ADGRL3: variants seen among roughly 807,000 people sequenced by gnomAD.
ADGRL3 encodes the protein adhesion G protein-coupled receptor L3.
A neutral mutation model predicts 153.5 loss-of-function variants in ADGRL3; 62 were observed. The observed-to-expected ratio is 0.40, with a 90% CI of 0.33 to 0.50. The LOEUF (loss-of-function observed/expected upper bound fraction) is 0.50. Among genes scored for constraint, ADGRL3 ranks in the 20% least tolerant of loss-of-function variants. The probability of loss-of-function intolerance (pLI) is 0.47; values close to 1 mark genes in which losing one functional copy is unlikely to be tolerated. For missense variants in ADGRL3, 1,641 were observed against 1,859.4 expected, an observed-to-expected ratio of 0.88 and a Z score of 2.16; for synonymous variants, 710 against 672.5, an observed-to-expected ratio of 1.06 and a Z score of -0.86.
intron 2 of ADGRL3, among the ~76,000 whole-genome samples, chr4:61,420,019 C>CTCAA (rs1207493627): frequency 6.6e-6 from 1 of 152,030 alleles, no homozygotes; most frequent in Non-Finnish European, 1.5e-5. Flanking sequence ...CCAGGCTGGT[C>CTCAA]TCAAACTCCT....
intron 2 of ADGRL3, among the ~76,000 whole-genome samples, chr4:61,423,404 G>T (rs2097233989): frequency 6.6e-6 from 1 of 152,304 alleles, no homozygotes; most frequent in Admixed American, 6.5e-5. Context: ...AATCCAGTGT[G>T]GATAGGATTA....
chr4:61,503,828 A>C (rs1330101140), intron 3 of ADGRL3, among the ~76,000 whole-genome samples: 1 of 152,146 alleles, frequency 6.6e-6, no homozygotes, highest in Non-Finnish European at 1.5e-5. Context: ...ATAATGATCA[A>C]ATTGGAGTAC....
At position 61,262,934 on chromosome 4, in the gene ADGRL3, T is replaced by G. The variant is rs182063264; in HGVS notation, c.-240+61169T>G. Among the ~76,000 whole-genome samples the G allele has an allele frequency of 1.2e-3, 185 of 152,224 alleles. 1 individual carries two copies. The highest frequency in any genetic ancestry group is 4.3e-3 in the African/African-American group (180 of 41,566). ...TGTTTCTGGACCAGCCACCAGTTTC[T>G]TATCTCTCAAGTGGTAGTACTGGGG... On this transcript the variant is annotated intron_variant, in intron 1 of 26. Coordinates refer to ENST00000683033, the MANE Select transcript of ADGRL3 (RefSeq NM_001387552.1).
At chr4:61,772,407 C>T (rs2097097133) in intron 8 of ADGRL3, among the ~76,000 whole-genome samples, 1 of 152,172 alleles carries the variant, frequency 6.6e-6, no homozygotes, top group African/African-American at 2.4e-5. Context: ...ACAATATTTT[C>T]ATTCTATCCA....
chr4:61,244,194 A>C (rs949358993), intron 1 of ADGRL3, among the ~76,000 whole-genome samples: 6 of 152,010 alleles, frequency 3.9e-5, no homozygotes, highest in African/African-American at 1.4e-4. Context: ...AATATGATGA[A>C]AGGGGAGGGA....
chr4:61,919,979 A>G (rs1326383590), intron 13 of ADGRL3, among the ~76,000 whole-genome samples: 1 of 152,192 alleles, frequency 6.6e-6, no homozygotes, highest in East Asian at 1.9e-4. Context: ...GTTTTTAAAT[A>G]AAATGTTTTC....
intron 2 of ADGRL3, among the ~76,000 whole-genome samples, chr4:61,435,857 A>T (rs2097439103): frequency 1.3e-5 from 2 of 150,592 alleles, no homozygotes; most frequent in Non-Finnish European, 1.5e-5. Context: ...AAAGTTATCA[A>T]TGGGAAGTTA....
intron 4 of ADGRL3, among the ~76,000 whole-genome samples, chr4:61,586,733 G>C (rs2098948108): frequency 6.6e-6 from 1 of 152,024 alleles, no homozygotes; most frequent in African/African-American, 2.4e-5. Flanking sequence ...TAGTTCTACA[G>C]TGAACTCACA....
intron 1 of ADGRL3, among the ~76,000 whole-genome samples, chr4:61,370,336 G>A (rs920092385): frequency 4.0e-5 from 6 of 150,904 alleles, no homozygotes; most frequent in Admixed American, 1.3e-4. Context: ...TGTCAATTTT[G>A]GATCTTTCCT....
chr4:61,963,131 T>G (rs2098994122), intron 17 of ADGRL3, among the ~76,000 whole-genome samples: 1 of 150,292 alleles, frequency 6.7e-6, no homozygotes, highest in African/African-American at 2.4e-5. Flanking sequence ...AAGGCTGTAT[T>G]TTTTTTTTAT....
chr4:61,415,675 C>A (rs75969345), intron 2 of ADGRL3, among the ~76,000 whole-genome samples: 4,667 of 151,926 alleles, frequency 0.031, 220 homozygotes, highest in East Asian at 0.21. Flanking sequence ...CATTGTGTAG[C>A]TCTCCCTTTA....
At chr4:62,034,300 G>T (rs945865349) in intron 23 of ADGRL3, among the ~76,000 whole-genome samples, 2 of 151,468 alleles carry the variant, frequency 1.3e-5, no homozygotes, top group Non-Finnish European at 3.0e-5. Flanking sequence ...CTTAATTTTG[G>T]CTCCTGAGTC....
At chr4:61,815,678 A>G (rs1028646420) in intron 9 of ADGRL3, among the ~76,000 whole-genome samples, 2 of 152,252 alleles carry the variant, frequency 1.3e-5, no homozygotes, top group Admixed American at 6.5e-5. Context: ...GTGCAACTGC[A>G]TTAGTATTAA....
chr4:61,598,091 G>T (rs1038562634), intron 5 of ADGRL3, among the ~76,000 whole-genome samples: 1 of 151,804 alleles, frequency 6.6e-6, no homozygotes, highest in Non-Finnish European at 1.5e-5. Context: ...TTCTAAGTTT[G>T]TTTCTAAAGC....
At chr4:61,304,741 G>A (rs1006927174) in intron 1 of ADGRL3, among the ~76,000 whole-genome samples, 4 of 152,206 alleles carry the variant, frequency 2.6e-5, no homozygotes, top group Admixed American at 1.3e-4. Flanking sequence ...GGTTTTGATT[G>A]GTAAAACTTT....
chr4:61,249,844 G>T lies in ADGRL3; in HGVS notation c.-240+48079G>T, dbSNP rs187560576. On this transcript the variant is annotated intron_variant, in intron 1 of 26. Transcript: ENST00000683033. ...TCATGGTAGTTTTATGAGGATTAAG[G>T]GGGATACTGCGTAAATGATTCTTAG... Among the ~76,000 whole-genome samples, 136 of 152,224 alleles carry T rather than the reference G, an allele frequency of 8.9e-4. 1 individual carries two copies. Among genetic ancestry groups the T allele is most frequent in the African/African-American group, 2.9e-3 (122 of 41,546 alleles).
Position 62,050,930 on chromosome 4 carries a change from T to C in ADGRL3, c.3814+6381T>C, listed in dbSNP as rs1336781762. Among the ~76,000 whole-genome samples, 5 of 151,786 alleles carry C rather than the reference T, an allele frequency of 3.3e-5. No individual in the cohort carries two copies. The East Asian group carries it at 9.6e-4, about 29-fold the overall frequency. The stretch of plus-strand genomic sequence containing the variant: ...AAACTATTTTTATTTTGAACAAGCA[T>C]TATACTGATATGAATGCAAATATAA... On this transcript the variant is annotated intron_variant, in intron 25 of 26. Coordinates refer to ENST00000683033, the MANE Select transcript of ADGRL3 (RefSeq NM_001387552.1).
chr4:61,277,940 A>C (rs1311603469), intron 1 of ADGRL3, among the ~76,000 whole-genome samples: 1 of 152,192 alleles, frequency 6.6e-6, no homozygotes, highest in Admixed American at 6.6e-5. Flanking sequence ...GTAATGACCT[A>C]ATCCCATGAG....
rs115690357 is a variant in ADGRL3 at position 61,923,691 on chromosome 4, A to G, written c.2112+10934A>G. On this transcript the variant is annotated intron_variant, in intron 13 of 26. Transcript: ENST00000683033. ...AAGTCAACACCCACTTCGTATGTCA[A>G]TTACTCTAAAGAAGCATTCTTTGTC... is the stretch of plus-strand genomic sequence containing the variant. Among the ~76,000 whole-genome samples, 395 of 152,290 alleles carry G rather than the reference A, an allele frequency of 2.6e-3. 2 individuals are homozygous for G. The highest frequency in any genetic ancestry group is 0.012 in the South Asian group (60 of 4,830).
Sources: gnomAD v4.1 joint callset for allele counts (sites outside exome capture counted in the v4.1 genomes callset) on GRCh38, gnomAD v4.1.1 for gene constraint, MANE v1.5 for transcripts, NCBI Gene and HGNC (gene_info 2026-07-23, HGNC 2026-07-21) for gene names.